The following SESN3 variants were observed in gnomAD, a reference collection of about 807,000 sequenced individuals.
SESN3 encodes sestrin-3.
Under a neutral mutation model 55.3 loss-of-function variants are expected in SESN3, and 21 were observed. That is an observed-to-expected ratio of 0.38 (90% CI 0.27 to 0.55). The LOEUF is 0.55. SESN3 is among the 20% of genes least tolerant of loss of function. The pLI is 0.76. For synonymous variants in SESN3, 181 were observed against 203.1 expected (o/e 0.89, Z 0.93); for missense variants, 408 against 604.3 (o/e 0.68, Z 3.41).
chr11:95,185,163 T>A, intron 5 of SESN3, 93 bp downstream of exon 5: 1 of 717,616 alleles, frequency 1.4e-6, no homozygotes, highest in Non-Finnish European at 2.4e-6. Flanking sequence ...GTATATAATA[T>A]CCTATCTAAT....
chr11:95,188,085 T>C (rs1378641956), intron 4 of SESN3, among the ~76,000 whole-genome samples: 2 of 151,588 alleles, frequency 1.3e-5, no homozygotes, highest in African/African-American at 4.8e-5. Context: ...GTCTGTACAA[T>C]CTGTAATTTA....
At chr11:95,210,976 G>A (rs1038153233) in intron 1 of SESN3, among the ~76,000 whole-genome samples, 1 of 151,986 alleles carries the variant, frequency 6.6e-6, no homozygotes, top group African/African-American at 2.4e-5. Flanking sequence ...AATTACACTT[G>A]CATTATGTGA....
intron 1 of SESN3, among the ~76,000 whole-genome samples, chr11:95,220,333 A>G (rs1163898954): frequency 6.6e-6 from 1 of 152,212 alleles, no homozygotes; most frequent in Admixed American, 6.5e-5. Context: ...ATGTTTCCAG[A>G]TAATATCTTT....
intron 1 of SESN3, among the ~76,000 whole-genome samples, chr11:95,228,632 C>A (rs1277644791): frequency 6.6e-6 from 1 of 152,126 alleles, no homozygotes; most frequent in East Asian, 1.9e-4. Context: ...AAGAGCACTT[C>A]AAAGTGGCAC....
intron 3 of SESN3, 42 bp downstream of exon 3, chr11:95,191,362 G>A (rs773058752): frequency 1.4e-6 from 2 of 1,414,812 alleles, no homozygotes; most frequent in Non-Finnish European, 2.0e-6. Context: ...GAAAGAATAA[G>A]TGAGGAAGGT....
intron 6 of SESN3, among the ~76,000 whole-genome samples, chr11:95,183,271 G>A (rs1860089209): frequency 6.6e-6 from 1 of 152,030 alleles, no homozygotes; most frequent in Non-Finnish European, 1.5e-5. Context: ...TCTGATTTTA[G>A]TGACAGTAAT....
At chr11:95,196,613 A>G (rs1248510759) in intron 1 of SESN3, among the ~76,000 whole-genome samples, 2 of 152,194 alleles carry the variant, frequency 1.3e-5, no homozygotes, top group African/African-American at 4.8e-5. Flanking sequence ...GTTCCCCAAC[A>G]TGGTAAGCAT....
rs908625788 is a variant in SESN3 at position 95,197,563 on chromosome 11, G to A, written c.79-4041C>T. Among the ~76,000 whole-genome samples, 7 of 151,514 alleles carry A rather than the reference G, an allele frequency of 4.6e-5. No individual in the cohort carries two copies. The East Asian group carries it at 1.4e-3, about 29-fold the overall frequency. On this transcript the variant is annotated intron_variant, in intron 1 of 9. Coordinates refer to ENST00000536441, the MANE Select transcript of SESN3 (RefSeq NM_144665.4). ...GGGCTCAAGCGATTCTCCTGCCTCA[G>A]CCTCCCGAGTTGCTGAGCTTCCATA...
intron 9 of SESN3, 106 bp from the exon 10 acceptor site, chr11:95,173,447 A>G (rs1351113551): frequency 1.8e-6 from 1 of 549,228 alleles, no homozygotes; most frequent in African/African-American, 1.8e-5. Flanking sequence ...ATATACACAC[A>G]CACACACACC....
At chr11:95,215,135 T>A (rs1251076095) in intron 1 of SESN3, among the ~76,000 whole-genome samples, 2 of 151,778 alleles carry the variant, frequency 1.3e-5, no homozygotes, top group African/African-American at 4.8e-5. Flanking sequence ...GTGGAAGCAT[T>A]TGGTTAATAC....
Position 95,230,848 on chromosome 11 carries a change from C to T in SESN3, c.13G>A (p.Gly5Ser), listed in dbSNP as rs772943425. The T allele has an allele frequency of 5.1e-6, 8 of 1,581,800 alleles. No individual in the cohort carries two copies. In the South Asian group the frequency reaches 9.0e-5, roughly 18 times the overall value. MNRG[G>S]GSPSAAANYL... ...TTGGCGGCGGCCGACGGGCTGCCGC[C>T]GCCCCGGTTCATCGTGGCTGCGGGC... The change falls in exon 1 of 10, where the codon GGC becomes AGC. Residue 5 changes from glycine to serine, a missense_variant. Transcript: ENST00000536441. The surrounding 1 kb of genome is among the most constrained non-coding windows in gnomAD (Gnocchi z 4.6).
intron 1 of SESN3, chr11:95,201,274 C>T (rs898103808): frequency 6.6e-6 from 1 of 151,912 alleles, no homozygotes; most frequent in African/African-American, 2.4e-5. Context: ...ATGAGTACTG[C>T]TATTATTAGT....
At chr11:95,190,000 A>G in intron 3 of SESN3, 39 bp from the exon 4 acceptor site, 2 of 1,458,898 alleles carry the variant, frequency 1.4e-6, no homozygotes, top group Non-Finnish European at 1.9e-6. Context: ...TAAAAGAATC[A>G]CAGTAGAGTT....
chr11:95,186,389 C>G (rs573854300), intron 4 of SESN3, among the ~76,000 whole-genome samples: 15 of 151,974 alleles, frequency 9.9e-5, no homozygotes, highest in Admixed American at 3.9e-4. Context: ...CACTATTTAA[C>G]TACACACCAT....
Position 95,178,733 on chromosome 11 carries a change from G to A in SESN3, c.1033C>T (p.His345Tyr). ...ACCTGAGCTCGGAATGTTGGCAAAT[G>A]CTCTTCTCCTCGTCTGGCAAAGTCT... ...YEDFARRGEEHLPTFRAQDYT... is the reference protein window; with the variant it reads ...YEDFARRGEEYLPTFRAQDYT... Residue 345 changes from histidine to tyrosine, a missense_variant, in exon 7 of 10, where the codon CAT (histidine) becomes TAT (tyrosine). Around this residue, in one of 4 missense-constraint regions of SESN3, gnomAD observed 121 missense variants for 204.9 expected, o/e 0.59. Coordinates refer to ENST00000536441, the MANE Select transcript of SESN3 (RefSeq NM_144665.4). The A allele has an allele frequency of 6.2e-7, 1 of 1,607,598 alleles. No individual in the cohort carries two copies.
intron 1 of SESN3, among the ~76,000 whole-genome samples, chr11:95,195,857 G>C (rs1270073196): frequency 1.3e-5 from 2 of 152,204 alleles, no homozygotes; most frequent in Non-Finnish European, 2.9e-5. Context: ...CATCGGCTGA[G>C]AAAATGTCCA....
chr11:95,214,125 G>A (rs1188880239), intron 1 of SESN3, among the ~76,000 whole-genome samples: 2 of 152,036 alleles, frequency 1.3e-5, no homozygotes, highest in African/African-American at 4.8e-5. Flanking sequence ...TCTATTTAAG[G>A]TACTATATTA....
intron 6 of SESN3, among the ~76,000 whole-genome samples, chr11:95,179,769 T>A (rs189630126): frequency 3.2e-4 from 49 of 152,212 alleles, no homozygotes; most frequent in Middle Eastern, 6.8e-3. Context: ...CACTTTTCTA[T>A]GCATATGAAA....
Position 95,168,474 on chromosome 11 carries a change from A to G in SESN3, c.*4781T>C, listed in dbSNP as rs1859791965. ...AAAAATCTTTTATGATTTATTTAAAATATGGAAGTTGTATTACTGAACAAC... is the reference window on the plus strand; with the variant it reads ...AAAAATCTTTTATGATTTATTTAAAGTATGGAAGTTGTATTACTGAACAAC... On this transcript the variant is annotated 3_prime_UTR_variant, in exon 10 of 10. Transcript: ENST00000536441. The G allele has an allele frequency of 6.6e-6, 1 of 152,246 alleles. No homozygotes were observed. The highest frequency in any genetic ancestry group is 1.5e-5 in the Non-Finnish European group (1 of 68,042). 9.4% of individuals were successfully genotyped at this position (152,246 alleles called of 1,614,324 possible). A position where few individuals can be genotyped will look rare whatever the true frequency, so the allele number is the denominator to read the frequency against.
Sources: allele counts gnomAD v4.1 joint callset (sites outside exome capture counted in the v4.1 genomes callset), GRCh38; gene constraint gnomAD v4.1.1; regional missense constraint gnomAD v4.1.1; non-coding constraint Gnocchi (gnomAD v3.1); transcripts MANE v1.5; gene names NCBI Gene and HGNC (gene_info 2026-07-23, HGNC 2026-07-21).